RPH3A: variants seen among roughly 807,000 people sequenced by gnomAD.
RPH3A encodes rabphilin 3A.
RPH3A carries 48 observed loss-of-function variants against 102.2 expected under a neutral mutation model. The ratio of observed to expected loss-of-function variants is 0.47; its 90% CI spans 0.37 to 0.60. The LOEUF (loss-of-function observed/expected upper bound fraction) is 0.60. Ranked by LOEUF, RPH3A falls within the 20% of genes least tolerant of loss-of-function variation. The pLI, the probability that RPH3A is intolerant of heterozygous loss-of-function variation, is 0.00. For missense variants in RPH3A, 781 were observed against 910.1 expected (o/e 0.86, Z 1.83); for synonymous variants, 310 against 324.3 (o/e 0.96, Z 0.47).
At position 112,898,647 on chromosome 12, in the gene RPH3A, T is replaced by A. The variant is rs528047599; in HGVS notation, c.*1867T>A. Reference sequence around the variant, plus strand: ...TCTCAGCCCACCTCCCTCACCACAGTTTCCCCTTAGGAGACAGCATGCTGG... The same window carrying A: ...TCTCAGCCCACCTCCCTCACCACAGATTCCCCTTAGGAGACAGCATGCTGG... On this transcript the variant is annotated 3_prime_UTR_variant, in exon 22 of 22. Coordinates refer to ENST00000389385, the MANE Select transcript of RPH3A (RefSeq NM_001143854.2). The A allele has an allele frequency of 6.6e-6, 1 of 152,234 alleles. No homozygotes were observed. The highest frequency in any genetic ancestry group is 2.1e-4 in the South Asian group (1 of 4,830). The allele number at this position is 152,234 out of a possible 1,614,324, so 9.4% of individuals were successfully genotyped here.
At chr12:112,736,564 T>C (rs1254302143) in intron 1 of RPH3A, among the ~76,000 whole-genome samples, 1 of 152,214 alleles carries the variant, frequency 6.6e-6, no homozygotes, top group Non-Finnish European at 1.5e-5. Flanking sequence ...AGAAATGTGC[T>C]ATTTCATAAA....
At chr12:112,729,833 C>T (rs1338484118) in intron 1 of RPH3A, among the ~76,000 whole-genome samples, 1 of 152,204 alleles carries the variant, frequency 6.6e-6, no homozygotes, top group Non-Finnish European at 1.5e-5. Flanking sequence ...TCCCCCAACC[C>T]TGCCAAATTC....
chr12:112,840,019 C>T (rs764295727), intron 4 of RPH3A, among the ~76,000 whole-genome samples: 8 of 152,218 alleles, frequency 5.3e-5, no homozygotes, highest in Non-Finnish European at 7.4e-5. Flanking sequence ...AAGATAGACC[C>T]TGACTCTTTG....
upstream of RPH3A, among the ~76,000 whole-genome samples, chr12:112,788,460 C>G (rs1658160176): frequency 1.3e-5 from 2 of 152,178 alleles, no homozygotes; most frequent in African/African-American, 4.8e-5. Flanking sequence ...GCTTTGGAGT[C>G]AGACAGACCT....
chr12:112,690,955 C>A (rs151282013), intron 1 of RPH3A, among the ~76,000 whole-genome samples: 1 of 152,238 alleles, frequency 6.6e-6, no homozygotes, highest in Non-Finnish European at 1.5e-5. Flanking sequence ...TCTACACATT[C>A]TGACAAAATG....
intron 1 of RPH3A, among the ~76,000 whole-genome samples, chr12:112,673,638 A>G (rs748198822): frequency 6.6e-6 from 1 of 152,226 alleles, no homozygotes; most frequent in Non-Finnish European, 1.5e-5. Flanking sequence ...CATATCATGG[A>G]GAATGGGATA....
chr12:112,655,022 T>A (rs2040000599), intron 1 of RPH3A, among the ~76,000 whole-genome samples: 1 of 152,242 alleles, frequency 6.6e-6, no homozygotes, highest in Non-Finnish European at 1.5e-5. Context: ...ATCCATGACT[T>A]CTTATTCCTC....
chr12:112,894,679 T>A lies in RPH3A; in HGVS notation c.1857+20T>A. On this transcript the variant is annotated intron_variant, in intron 20 of 21. Transcript: ENST00000389385. ...AATGAGGTAAGGCTGCCCTATTCTT[T>A]TTCATGCTCTGGGATATTTGCTGTG... 1 of 1,607,960 alleles carries A rather than the reference T, an allele frequency of 6.2e-7. No individual in the cohort carries two copies.
At chr12:112,582,371 A>G (rs1592892477) in intron 1 of RPH3A, among the ~76,000 whole-genome samples, 1 of 147,262 alleles carries the variant, frequency 6.8e-6, no homozygotes, top group African/African-American at 2.5e-5. Context: ...TCCGCCTGCC[A>G]AAGTGATAGG....
chr12:112,724,154 T>A lies in RPH3A; in HGVS notation c.-139-67989T>A, dbSNP rs559570548. 2.7e-5 allele frequency among the ~76,000 whole-genome samples: 4 copies of A among 150,490 alleles called. No individual in the cohort carries two copies. In the South Asian group the frequency reaches 6.3e-4, roughly 24 times the overall value. On this transcript the variant is annotated intron_variant, in intron 1 of 21. Coordinates refer to the RPH3A transcript ENST00000543106. ...TCACTGAAGCCTCATCCTCGCCGGC[T>A]CAAGTGATCCTCCTGCCTCAGCCTC... is the stretch of plus-strand genomic sequence containing the variant.
rs35810360 is a variant in RPH3A, at chr12:112,614,688, CAAAAAAAAAAA to C, written c.-140+39388_-140+39398del. 1.0e-2 allele frequency among the ~76,000 whole-genome samples: 271 copies of C among 27,156 alleles called. 4 individuals carry two copies. The highest frequency in any genetic ancestry group is 0.036 in the African/African-American group (244 of 6,782). 17.8% of individuals were successfully genotyped at this position (27,156 alleles called of 152,430 possible). ...GAGGGACAGGAGTGAGACCCTGCCT[CAAAAAAAAAAA>C]AAAAAAAAAAAAAAAAAAGGAAGAA... On this transcript the variant is annotated intron_variant, in intron 1 of 21. Transcript: ENST00000543106.
At chr12:112,762,203 T>G (rs1384553005) in intron 1 of RPH3A, among the ~76,000 whole-genome samples, 1 of 152,214 alleles carries the variant, frequency 6.6e-6, no homozygotes, top group African/African-American at 2.4e-5. Context: ...ACCTGAGGGA[T>G]GGAACCATCT....
chr12:112,881,388 T>C (rs1012036853), intron 14 of RPH3A, among the ~76,000 whole-genome samples: 1 of 152,168 alleles, frequency 6.6e-6, no homozygotes, highest in African/African-American at 2.4e-5. Context: ...TGTCCTCCCA[T>C]CCTAGCAATA....
Position 112,718,561 on chromosome 12 carries a change from C to A in RPH3A, c.-139-73582C>A, listed in dbSNP as rs114993404. Among the ~76,000 whole-genome samples, 686 of 152,300 alleles carry A rather than the reference C, an allele frequency of 4.5e-3. 6 individuals carry two copies. Among genetic ancestry groups the A allele is most frequent in the African/African-American group, 0.016 (645 of 41,542 alleles). ...CTCTTTCTCCCCAGGAGGATTCTGA[C>A]CCTTCCATGGGGGAGTGTGGGCCCT... On this transcript the variant is annotated intron_variant, in intron 1 of 21. Transcript: ENST00000543106.
At chr12:112,631,699 T>A (rs1184615430) in intron 1 of RPH3A, among the ~76,000 whole-genome samples, 1 of 151,860 alleles carries the variant, frequency 6.6e-6, no homozygotes, top group Non-Finnish European at 1.5e-5. Flanking sequence ...TTTGTAATTT[T>A]TTTTTGTAGA....
chr12:112,865,111 CG>C (rs1387888230), intron 5 of RPH3A, among the ~76,000 whole-genome samples: 1 of 152,096 alleles, frequency 6.6e-6, no homozygotes, highest in East Asian at 1.9e-4. Context: ...ATAAATTTAA[CG>C]CTCAGAAGGC....
At chr12:112,677,917 G>A (rs1437467555) in intron 1 of RPH3A, among the ~76,000 whole-genome samples, 4 of 151,944 alleles carry the variant, frequency 2.6e-5, no homozygotes, top group East Asian at 1.9e-4. Context: ...CAGGCCAGGC[G>A]TGGTGGTGCA....
At chr12:112,777,963 C>T (rs2040980134) in intron 1 of RPH3A, among the ~76,000 whole-genome samples, 1 of 152,184 alleles carries the variant, frequency 6.6e-6, no homozygotes, top group Non-Finnish European at 1.5e-5. Context: ...GTGGTGAATG[C>T]ATAGGCCTGA....
At chr12:112,593,137 C>T (rs1244894544) in intron 1 of RPH3A, among the ~76,000 whole-genome samples, 2 of 152,088 alleles carry the variant, frequency 1.3e-5, no homozygotes, top group Non-Finnish European at 2.9e-5. Flanking sequence ...GAAGAGACAC[C>T]AGAGAGCTTG....
Sources: gnomAD v4.1 joint callset for allele counts (sites outside exome capture counted in the v4.1 genomes callset) on GRCh38, gnomAD v4.1.1 for gene constraint, MANE v1.5 for transcripts, NCBI Gene and HGNC (gene_info 2026-07-23, HGNC 2026-07-21) for gene names.